The following DNAJC27 variants were observed in gnomAD, a reference collection of about 807,000 sequenced individuals.
DNAJC27 encodes DnaJ heat shock protein family (Hsp40) member C27.
A neutral mutation model predicts 31.4 loss-of-function variants in DNAJC27; 25 were observed. The observed-to-expected ratio is 0.80, with a 90% confidence interval of 0.58 to 1.11. The LOEUF is 1.11. DNAJC27 is among the 50% of genes most tolerant of loss of function. DNAJC27 has a pLI of 0.00. For missense variants in DNAJC27, 356 were observed against 347.3 expected, an observed-to-expected ratio of 1.02 and a Z score of -0.20; for synonymous variants, 106 against 112.7, an observed-to-expected ratio of 0.94 and a Z score of 0.37.
rs1394146914 is a variant in DNAJC27 at position 24,944,076 on chromosome 2, CTT to C, written c.*3538_*3539del. ...CCAATTATGAGAAGTACGAACCTCT[CTT>C]CACTTTGCAAAGCTTGCAATGGAAA... On this transcript the variant is annotated 3_prime_UTR_variant, in exon 7 of 7. Transcript: ENST00000264711. 5.9e-5 allele frequency: 9 copies of C among 152,358 alleles called. No individual in the cohort carries two copies. Among genetic ancestry groups the C allele is most frequent in the African/African-American group, 1.9e-4 (8 of 41,574 alleles). 9.4% of individuals were successfully genotyped at this position (152,358 alleles called of 1,614,324 possible).
At chr2:24,964,564 G>C (rs1666131022) in intron 2 of DNAJC27, among the ~76,000 whole-genome samples, 1 of 152,138 alleles carries the variant, frequency 6.6e-6, no homozygotes, top group African/African-American at 2.4e-5. Flanking sequence ...TATGATTCCA[G>C]CCATCTCTGA....
chr2:24,963,297 A>G, intron 3 of DNAJC27, 108 bp downstream of exon 3: 1 of 792,340 alleles, frequency 1.3e-6, no homozygotes, highest in Non-Finnish European at 2.0e-6. Flanking sequence ...AGCTAAAATT[A>G]TGCAATTTTA....
Position 24,967,143 on chromosome 2 carries a change from A to G in DNAJC27, c.170+68T>C. ...TACCTACACAAGAGCACTGATGCAA[A>G]TATGGATCATTTTGGAAAGTTCTGA... On this transcript the variant is annotated intron_variant, in intron 2 of 6. Transcript: ENST00000264711. The G allele has an allele frequency of 1.0e-5, 13 of 1,238,220 alleles. No homozygotes were observed. In the South Asian group the frequency reaches 1.6e-4, roughly 15 times the overall value. 76.7% of individuals were successfully genotyped at this position (1,238,220 alleles called of 1,614,324 possible).
rs898143400 is a variant in DNAJC27 at position 24,956,006 on chromosome 2, C to T, written c.528+1037G>A. On this transcript the variant is annotated intron_variant, in intron 5 of 6. Coordinates refer to ENST00000264711, the MANE Select transcript of DNAJC27 (RefSeq NM_016544.3). Reference sequence around the variant, plus strand: ...ATACAGGCACAAAGTCACATAGCTCCAAGTACTCAAAAGAATAGAAAGCAT... The same window carrying T: ...ATACAGGCACAAAGTCACATAGCTCTAAGTACTCAAAAGAATAGAAAGCAT... Among the ~76,000 whole-genome samples the T allele has an allele frequency of 2.0e-5, 3 of 152,144 alleles. No individual in the cohort carries two copies. In the East Asian group the frequency reaches 5.8e-4, roughly 29 times the overall value.
At chr2:24,963,104 AT>A (rs201410313) in intron 3 of DNAJC27, 831 of 290,852 alleles carry the variant, frequency 2.9e-3, no homozygotes, top group East Asian at 4.0e-3. Flanking sequence ...AAATGTAATT[AT>A]TTTTTTTTTC....
intron 1 of DNAJC27, among the ~76,000 whole-genome samples, chr2:24,968,381 C>T (rs1259384099): frequency 6.6e-6 from 1 of 152,062 alleles, no homozygotes; most frequent in Non-Finnish European, 1.5e-5. Flanking sequence ...TGTATATCAT[C>T]CTATATTTTC....
upstream of DNAJC27, chr2:24,971,993 C>A: frequency 2.1e-6 from 2 of 941,726 alleles, no homozygotes; most frequent in Non-Finnish European, 2.9e-6. Flanking sequence ...ATGGCGGAGC[C>A]GCTGCTCTCG....
chr2:24,949,907 T>A (rs1665726187), intron 6 of DNAJC27, among the ~76,000 whole-genome samples: 1 of 149,680 alleles, frequency 6.7e-6, no homozygotes, highest in Non-Finnish European at 1.5e-5. Flanking sequence ...ATATACAGAT[T>A]CAGTGCAATC....
chr2:24,967,260 A>G lies in DNAJC27; in HGVS notation c.121T>C (p.Phe41Leu). Residue 41 changes from phenylalanine (F) to leucine (L), a missense_variant, in exon 2 of 7, where the codon TTC becomes CTC. Transcript: ENST00000264711. ...ATTGTTGCCAGGTATTTAGACACGAATCTTTTCTCACAGTATCGCTTTATA... is the reference window on the plus strand; with the variant it reads ...ATTGTTGCCAGGTATTTAGACACGAGTCTTTTCTCACAGTATCGCTTTATA... Reference protein sequence around the residue: ...CIIKRYCEKRFVSKYLATIGI... With the variant: ...CIIKRYCEKRLVSKYLATIGI... 6.2e-7 allele frequency: 1 copy of G among 1,613,798 alleles called. No homozygotes were observed. The highest frequency in any genetic ancestry group is 8.5e-7 in the Non-Finnish European group (1 of 1,179,744).
intron 1 of DNAJC27, among the ~76,000 whole-genome samples, chr2:24,969,825 CT>C (rs1310994682): frequency 1.3e-5 from 2 of 152,046 alleles, no homozygotes; most frequent in South Asian, 2.1e-4. Context: ...TCTTTCATTT[CT>C]TTTTTTTCCC....
chr2:24,971,798 T>A lies in DNAJC27; in HGVS notation c.87+20A>T. The stretch of plus-strand genomic sequence containing the variant: ...GCCCCGCCACGCTGGGGCCCGCCCC[T>A]CCCGGCTCGCTGTACTCACTTTCCC... On this transcript the variant is annotated intron_variant, in intron 1 of 6. Transcript: ENST00000264711. 1 of 1,591,914 alleles carries A rather than the reference T, an allele frequency of 6.3e-7. No individual in the cohort carries two copies. The highest frequency in any genetic ancestry group is 1.4e-5 in the African/African-American group (1 of 73,618).
chr2:24,952,105 C>A (rs920221649), intron 5 of DNAJC27, among the ~76,000 whole-genome samples: 43 of 152,134 alleles, frequency 2.8e-4, no homozygotes, highest in Non-Finnish European at 2.2e-4. Context: ...CAGAGCCAGA[C>A]CCTGTCTCAA....
At chr2:24,970,302 T>A (rs1666296069) in intron 1 of DNAJC27, among the ~76,000 whole-genome samples, 1 of 152,166 alleles carries the variant, frequency 6.6e-6, no homozygotes, top group Non-Finnish European at 1.5e-5. Context: ...TATTAGCAAA[T>A]AATGTTAATT....
At position 24,953,327 on chromosome 2, in the gene DNAJC27, T is replaced by C. The variant is rs991695294; in HGVS notation, c.529-1773A>G. On this transcript the variant is annotated intron_variant, in intron 5 of 6. Transcript: ENST00000264711. ...CAACTTGGTAACCTAACAAGAAGCC[T>C]TGACGTCTGAAAAGGGGTGTCAAAG... Among the ~76,000 whole-genome samples, 8 of 152,200 alleles carry C rather than the reference T, an allele frequency of 5.3e-5. No individual in the cohort carries two copies. The East Asian group carries it at 5.8e-4, about 11-fold the overall frequency.
chr2:24,950,838 ACT>A (rs1249058302), intron 6 of DNAJC27, among the ~76,000 whole-genome samples: 2 of 150,364 alleles, frequency 1.3e-5, no homozygotes. Context: ...TAAGAGTGAG[ACT>A]CTGTCTCAAA....
At chr2:24,948,963 T>A (rs1665706304) in intron 6 of DNAJC27, among the ~76,000 whole-genome samples, 1 of 152,234 alleles carries the variant, frequency 6.6e-6, no homozygotes, top group East Asian at 1.9e-4. Context: ...TCAGATGGCC[T>A]TTGATACCTT....
At chr2:24,952,790 T>C (rs1376737706) in intron 5 of DNAJC27, among the ~76,000 whole-genome samples, 1 of 152,258 alleles carries the variant, frequency 6.6e-6, no homozygotes, top group East Asian at 1.9e-4. Flanking sequence ...TCTTAAGTGT[T>C]ACTAATCTGA....
rs1248646646 is a variant in DNAJC27, at chr2:24,946,637, G to A, written c.*979C>T. The A allele has an allele frequency of 1.3e-5, 2 of 152,048 alleles. No individual in the cohort carries two copies. The highest frequency in any genetic ancestry group is 4.8e-5 in the African/African-American group (2 of 41,352). 9.4% of individuals were successfully genotyped at this position (152,048 alleles called of 1,614,324 possible). On this transcript the variant is annotated 3_prime_UTR_variant, in exon 7 of 7. Transcript: ENST00000264711. ...CCCAAGCTTGGCTGGCCTTTCCTCT[G>A]CTGATGTGCATAATCTTTAAGTGCG...
chr2:24,964,321 C>T lies in DNAJC27; in HGVS notation c.171-847G>A, dbSNP rs185977616. Among the ~76,000 whole-genome samples the T allele has an allele frequency of 9.7e-3, 1,464 of 151,110 alleles. 19 individuals are homozygous for T. The highest frequency in any genetic ancestry group is 0.034 in the African/African-American group (1,414 of 41,164). ...CCTGTAGTCCCAGCTACTCAGGAGG[C>T]TGAGGCAGGAGAATGGCATGAACCC... On this transcript the variant is annotated intron_variant, in intron 2 of 6. Coordinates refer to ENST00000264711, the MANE Select transcript of DNAJC27 (RefSeq NM_016544.3).
Sources: gnomAD v4.1 joint callset for allele counts (sites outside exome capture counted in the v4.1 genomes callset) on GRCh38, gnomAD v4.1.1 for gene constraint, MANE v1.5 for transcripts, NCBI Gene and HGNC (gene_info 2026-07-23, HGNC 2026-07-21) for gene names.